LGR4: variants seen among roughly 807,000 people sequenced by gnomAD.
The protein encoded by LGR4 is leucine-rich repeat-containing G protein-coupled receptor 4.
In LGR4, 44 loss-of-function variants were observed where a neutral mutation model predicts 84.8. The observed-to-expected ratio is 0.52, with a 90% CI of 0.41 to 0.67. The LOEUF (loss-of-function observed/expected upper bound fraction) is 0.67, where lower values mean the gene tolerates loss of function less well. Among genes scored for constraint, LGR4 ranks in the 30% least tolerant of loss-of-function variants. LGR4 has a pLI of 0.00. For synonymous variants in LGR4, 429 were observed against 434.3 expected, an observed-to-expected ratio of 0.99 and a Z score of 0.15; for missense variants, 1,032 against 1,131.4, an observed-to-expected ratio of 0.91 and a Z score of 1.26.
rs77863922 is a variant in LGR4 at position 27,373,924 on chromosome 11, T to C, written c.1253+51A>G. 2,861 of 1,258,328 alleles carry C rather than the reference T, an allele frequency of 2.3e-3. 45 individuals are homozygous for C. In the African/African-American group the frequency reaches 0.036, roughly 16 times the overall value. The allele number at this position is 1,258,328 out of a possible 1,614,324, so 77.9% of individuals were successfully genotyped here. ...TCGACAATGTTAAAACAGATGTTTC[T>C]ATAGCACTAGTTACTACTTTCATGA... On this transcript the variant is annotated intron_variant, in intron 14 of 17. Coordinates refer to ENST00000379214, the MANE Select transcript of LGR4 (RefSeq NM_018490.5).
At chr11:27,419,603 T>C (rs1863886680) in intron 1 of LGR4, among the ~76,000 whole-genome samples, 1 of 147,630 alleles carries the variant, frequency 6.8e-6, no homozygotes, top group Non-Finnish European at 1.5e-5. Context: ...TATATATGTA[T>C]TATATATAAA....
chr11:27,402,161 ACCAACTGG>A (rs1246013609), intron 2 of LGR4, among the ~76,000 whole-genome samples: 5 of 152,154 alleles, frequency 3.3e-5, no homozygotes, highest in African/African-American at 1.2e-4. Context: ...ATGAGTAAAT[ACCAACTGG>A]CCTTAACCCT....
intron 1 of LGR4, among the ~76,000 whole-genome samples, chr11:27,430,557 G>A (rs1253928507): frequency 6.6e-6 from 1 of 152,074 alleles, no homozygotes; most frequent in African/African-American, 2.4e-5. Context: ...CCTCCATTAT[G>A]AGCATCCCCA....
chr11:27,408,353 A>C (rs1863650829), intron 2 of LGR4, among the ~76,000 whole-genome samples: 1 of 152,162 alleles, frequency 6.6e-6, no homozygotes, highest in Non-Finnish European at 1.5e-5. Flanking sequence ...TTCCAAAGTC[A>C]AATCATGTTT....
chr11:27,446,425 C>T (rs1418419637), intron 1 of LGR4, among the ~76,000 whole-genome samples: 1 of 152,150 alleles, frequency 6.6e-6, no homozygotes, highest in Non-Finnish European at 1.5e-5. Context: ...CCAAAAGACA[C>T]ATGAAAAAAT....
chr11:27,374,096 G>T, intron 13 of LGR4, 50 bp from the exon 14 acceptor site: 1 of 1,161,990 alleles, frequency 8.6e-7, no homozygotes, highest in Non-Finnish European at 1.3e-6. Context: ...CACTCAGAAT[G>T]CCACTTACTT....
chr11:27,380,974 G>T lies in LGR4; in HGVS notation c.759-8C>A, dbSNP rs201183796. The stretch of plus-strand genomic sequence containing the variant: ...GAATTACTATGAAATCCTCTAGAAA[G>T]ATAGGAGAAAAGTATTTTGAAATGC... On this transcript the variant is annotated splice_region_variant and splice_polypyrimidine_tract_variant and intron_variant, in intron 7 of 17. Coordinates refer to ENST00000379214, the MANE Select transcript of LGR4 (RefSeq NM_018490.5). 6.8e-7 allele frequency: 1 copy of T among 1,463,346 alleles called. No individual in the cohort carries two copies. The highest frequency in any genetic ancestry group is 1.4e-5 in the African/African-American group (1 of 71,788). 90.6% of individuals were successfully genotyped at this position (1,463,346 alleles called of 1,614,324 possible).
chr11:27,453,989 T>C (rs868431379), intron 1 of LGR4, among the ~76,000 whole-genome samples: 1 of 152,198 alleles, frequency 6.6e-6, no homozygotes, highest in African/African-American at 2.4e-5. Flanking sequence ...TGAAGACTTA[T>C]AAGAAACATT....
chr11:27,385,139 T>C (rs953552863), intron 5 of LGR4, 114 bp downstream of exon 5: 2 of 705,694 alleles, frequency 2.8e-6, no homozygotes, highest in Admixed American at 5.6e-5. Context: ...CCCAAAGCAC[T>C]AACTACTCAG....
chr11:27,437,372 C>T (rs533720414), intron 1 of LGR4, among the ~76,000 whole-genome samples: 3 of 152,042 alleles, frequency 2.0e-5, no homozygotes, highest in Non-Finnish European at 4.4e-5. Context: ...CAAAGACATG[C>T]TACTATTTTC....
At chr11:27,398,795 T>C (rs1863439857) in intron 2 of LGR4, among the ~76,000 whole-genome samples, 1 of 152,200 alleles carries the variant, frequency 6.6e-6, no homozygotes, top group Admixed American at 6.5e-5. Flanking sequence ...TGGCCTGGCA[T>C]TGGGCTCCCG....
intron 3 of LGR4, 119 bp from the exon 4 acceptor site, chr11:27,391,284 AG>A (rs1863281632): frequency 3.8e-6 from 2 of 529,802 alleles, no homozygotes; most frequent in Non-Finnish European, 6.5e-6. Flanking sequence ...AATGGGGGGG[AG>A]GTGGAGGTGG....
chr11:27,397,147 T>C (rs528665916), intron 2 of LGR4, among the ~76,000 whole-genome samples: 28 of 152,300 alleles, frequency 1.8e-4, no homozygotes, highest in Admixed American at 1.4e-3. Flanking sequence ...AAACACACCA[T>C]GCATTGCCAC....
chr11:27,463,557 G>C (rs1183637120), intron 1 of LGR4, among the ~76,000 whole-genome samples: 1 of 151,872 alleles, frequency 6.6e-6, no homozygotes, highest in East Asian at 1.9e-4. Flanking sequence ...AGGCTGAGGC[G>C]GGCGGATCAC....
intron 2 of LGR4, among the ~76,000 whole-genome samples, chr11:27,409,426 A>G (rs1280243631): frequency 6.6e-6 from 1 of 152,106 alleles, no homozygotes; most frequent in Non-Finnish European, 1.5e-5. Flanking sequence ...ACTTCTGTTC[A>G]TTGTAAAGCT....
At chr11:27,374,926 T>C (rs1171347339) in intron 13 of LGR4, among the ~76,000 whole-genome samples, 2 of 152,142 alleles carry the variant, frequency 1.3e-5, no homozygotes, top group African/African-American at 2.4e-5. Context: ...GGGGATATAC[T>C]AAAAAACTGT....
At chr11:27,380,851 C>G (rs1483809766) in intron 8 of LGR4, 44 bp downstream of exon 8, 3 of 1,285,910 alleles carry the variant, frequency 2.3e-6, no homozygotes, top group Non-Finnish European at 3.4e-6. Flanking sequence ...ACGGACACAG[C>G]TTCACATAAT....
chr11:27,429,201 C>G (rs1338977239), intron 1 of LGR4, among the ~76,000 whole-genome samples: 2 of 151,970 alleles, frequency 1.3e-5, no homozygotes, highest in Non-Finnish European at 2.9e-5. Context: ...GGAATAGAAA[C>G]AGGCCAGGCA....
intron 1 of LGR4, among the ~76,000 whole-genome samples, chr11:27,420,915 C>T (rs1038611540): frequency 2.6e-5 from 4 of 152,108 alleles, no homozygotes; most frequent in Admixed American, 2.6e-4. Flanking sequence ...GATAAGACCA[C>T]CAAGGAATTT....
Sources: allele counts gnomAD v4.1 joint callset (sites outside exome capture counted in the v4.1 genomes callset), GRCh38; gene constraint gnomAD v4.1.1; transcripts MANE v1.5; gene names NCBI Gene and HGNC (gene_info 2026-07-23, HGNC 2026-07-21).